The following ITGA9 variants were observed in gnomAD, a reference collection of about 807,000 sequenced individuals.
The protein encoded by ITGA9 is integrin subunit alpha 9.
ITGA9 carries 56 observed loss-of-function variants against 127.8 expected under a neutral mutation model. That is an observed-to-expected ratio of 0.44 (90% CI 0.35 to 0.55). The LOEUF is 0.55. Ranked by LOEUF, ITGA9 falls within the 20% of genes least tolerant of loss-of-function variation. ITGA9 has a pLI of 0.00. For missense variants in ITGA9, 1,196 were observed against 1,347.1 expected (o/e 0.89, Z 1.76); for synonymous variants, 508 against 514.5 (o/e 0.99, Z 0.17).
intron 18 of ITGA9, among the ~76,000 whole-genome samples, chr3:37,687,971 C>T (rs1159375678): frequency 1.3e-5 from 2 of 152,200 alleles, no homozygotes; most frequent in African/African-American, 4.8e-5. Flanking sequence ...CTCAGACCCT[C>T]CAAGAGACTG....
At chr3:37,730,065 A>G (rs1696268761) in intron 18 of ITGA9, among the ~76,000 whole-genome samples, 1 of 152,234 alleles carries the variant, frequency 6.6e-6, no homozygotes, top group Non-Finnish European at 1.5e-5. Context: ...CTGGTTTGAA[A>G]GGAATTCCCA....
intron 17 of ITGA9, among the ~76,000 whole-genome samples, chr3:37,664,420 CT>C (rs35312679): frequency 0.26 from 29,914 of 114,788 alleles, 3,731 homozygotes; most frequent in African/African-American, 0.36. Flanking sequence ...TCAGCACATT[CT>C]TTTTTTTTTT....
At chr3:37,484,755 C>T (rs1287090724) in intron 4 of ITGA9, among the ~76,000 whole-genome samples, 1 of 152,158 alleles carries the variant, frequency 6.6e-6, no homozygotes, top group East Asian at 1.9e-4. Flanking sequence ...GCTACTTCCT[C>T]TTATTAACAG....
At chr3:37,590,907 C>A (rs1164187748) in intron 15 of ITGA9, among the ~76,000 whole-genome samples, 1 of 152,166 alleles carries the variant, frequency 6.6e-6, no homozygotes, top group Non-Finnish European at 1.5e-5. Flanking sequence ...AGGAGGAACT[C>A]TGCCAGTGGA....
chr3:37,764,987 C>T (rs1156777560), intron 23 of ITGA9, among the ~76,000 whole-genome samples: 1 of 152,202 alleles, frequency 6.6e-6, no homozygotes, highest in Non-Finnish European at 1.5e-5. Context: ...TGTGAAATTA[C>T]TCTCTTATCA....
At chr3:37,553,449 G>A (rs928898719) in intron 15 of ITGA9, among the ~76,000 whole-genome samples, 1 of 152,212 alleles carries the variant, frequency 6.6e-6, no homozygotes, top group East Asian at 1.9e-4. Flanking sequence ...CATTTTTGAA[G>A]AGTACAGGTC....
intron 25 of ITGA9, among the ~76,000 whole-genome samples, 175 bp downstream of exon 25, chr3:37,780,196 AG>A (rs2125551639): frequency 6.6e-6 from 1 of 152,284 alleles, no homozygotes; most frequent in South Asian, 2.1e-4. Context: ...TTATGTATTT[AG>A]GGGGTACAAG....
chr3:37,479,895 G>C (rs1698534173), intron 3 of ITGA9, among the ~76,000 whole-genome samples: 1 of 152,148 alleles, frequency 6.6e-6, no homozygotes, highest in South Asian at 2.1e-4. Flanking sequence ...TCACCTTCCA[G>C]GATTGCAGAA....
At chr3:37,749,850 A>T (rs1216324978) in intron 22 of ITGA9, among the ~76,000 whole-genome samples, 1 of 152,158 alleles carries the variant, frequency 6.6e-6, no homozygotes, top group Non-Finnish European at 1.5e-5. Context: ...TGGTTTTGGG[A>T]TGACCCACTT....
intron 11 of ITGA9, among the ~76,000 whole-genome samples, chr3:37,520,335 T>C (rs992092269): frequency 6.6e-6 from 1 of 152,198 alleles, no homozygotes; most frequent in African/African-American, 2.4e-5. Context: ...GTGCCTACTC[T>C]GCCCTTTCTT....
At chr3:37,673,887 G>C (rs1422641447) in intron 17 of ITGA9, among the ~76,000 whole-genome samples, 1 of 152,182 alleles carries the variant, frequency 6.6e-6, no homozygotes, top group Non-Finnish European at 1.5e-5. Context: ...TTGAAGCTTT[G>C]AAAATCCGTG....
rs374507441 is a variant in ITGA9, at chr3:37,784,985, G to T, written c.2796G>T (p.Ser932=). The T allele has an allele frequency of 2.5e-6, 4 of 1,613,562 alleles. No homozygotes were observed. The highest frequency in any genetic ancestry group is 2.7e-5 in the African/African-American group (2 of 75,010). The change falls in exon 26 of 28, where the codon TCG becomes TCT. Residue 932 remains serine, a synonymous_variant. Coordinates refer to ENST00000264741, the MANE Select transcript of ITGA9 (RefSeq NM_002207.3). Reference sequence around the variant, plus strand: ...TGTTGTTTCTTCCACAGGACAGTTCGTCTGTCATCCAGTTCATGTCCCGCG... The same window carrying T: ...TGTTGTTTCTTCCACAGGACAGTTCTTCTGTCATCCAGTTCATGTCCCGCG... The part of the protein sequence containing the change: ...LNTEILKKDS[S]SVIQFMSRAK...
chr3:37,491,662 C>A (rs985818055), intron 4 of ITGA9, among the ~76,000 whole-genome samples: 3 of 152,206 alleles, frequency 2.0e-5, no homozygotes, highest in Admixed American at 2.0e-4. Flanking sequence ...CCTTGCCTCT[C>A]TCTGCGCCTA....
chr3:37,729,700 CTTTT>C (rs34875348), intron 18 of ITGA9, among the ~76,000 whole-genome samples: 2 of 84,122 alleles, frequency 2.4e-5, no homozygotes, highest in Non-Finnish European at 4.6e-5. Flanking sequence ...TTTTTGATTT[CTTTT>C]TTTTTTTTTT....
At chr3:37,811,064 A>T (rs79978008) in intron 27 of ITGA9, among the ~76,000 whole-genome samples, 1 of 152,136 alleles carries the variant, frequency 6.6e-6, no homozygotes, top group Admixed American at 6.5e-5. Context: ...AAAATCCACA[A>T]TGAGGGCCCC....
chr3:37,751,412 A>G (rs1221762394), intron 23 of ITGA9, among the ~76,000 whole-genome samples: 2 of 152,182 alleles, frequency 1.3e-5, no homozygotes, highest in Admixed American at 6.5e-5. Context: ...CATGCTGACC[A>G]TGCCACATTT....
chr3:37,495,192 A>T (rs1489605970), intron 5 of ITGA9, among the ~76,000 whole-genome samples: 2 of 152,074 alleles, frequency 1.3e-5, no homozygotes, highest in Non-Finnish European at 2.9e-5. Context: ...ACCTCAGGTG[A>T]TCTGCCAGTC....
At chr3:37,792,365 G>T (rs1308576309) in intron 26 of ITGA9, among the ~76,000 whole-genome samples, 1 of 152,222 alleles carries the variant, frequency 6.6e-6, no homozygotes, top group East Asian at 1.9e-4. Flanking sequence ...ACGCAAACAA[G>T]AATTCTATTT....
intron 15 of ITGA9, chr3:37,585,633 A>G (rs756167242): frequency 3.1e-5 from 16 of 516,464 alleles, no homozygotes; most frequent in Admixed American, 2.7e-4. Context: ...CCAAGAAGGG[A>G]ACATGAAGAA....
Sources: allele counts gnomAD v4.1 joint callset (sites outside exome capture counted in the v4.1 genomes callset), GRCh38; gene constraint gnomAD v4.1.1; transcripts MANE v1.5; gene names NCBI Gene and HGNC (gene_info 2026-07-23, HGNC 2026-07-21).